Variants in PHACTR2 observed in about 807,000 individuals in gnomAD.
The protein encoded by PHACTR2 is phosphatase and actin regulator 2, also known as chromosome 6 open reading frame 56.
PHACTR2 carries 30 observed loss-of-function variants against 76.0 expected under a neutral mutation model. The observed-to-expected ratio is 0.39, with a 90% CI of 0.30 to 0.54. The LOEUF (loss-of-function observed/expected upper bound fraction) is 0.54, where lower values mean the gene tolerates loss of function less well. PHACTR2 is among the 20% of genes least tolerant of loss of function. The pLI is 0.61. For synonymous variants in PHACTR2, 292 were observed against 292.5 expected (o/e 1.00, Z 0.02); for missense variants, 696 against 781.1 (o/e 0.89, Z 1.30).
intron 7 of PHACTR2, among the ~76,000 whole-genome samples, chr6:143,773,524 A>G: frequency 7.0e-6 from 1 of 142,554 alleles, no homozygotes; most frequent in East Asian, 2.2e-4. Flanking sequence ...TTTAATTTGC[A>G]TGGAGCAAAA....
chr6:143,828,048 G>T lies in PHACTR2; in HGVS notation c.*4359G>T, dbSNP rs542047014. 6 of 152,234 alleles carry T rather than the reference G, an allele frequency of 3.9e-5. No individual in the cohort carries two copies. The highest frequency in any genetic ancestry group is 1.4e-4 in the African/African-American group (6 of 41,518). The allele number at this position is 152,234 out of a possible 1,614,324, so 9.4% of individuals were successfully genotyped here. A position where few individuals can be genotyped will look rare whatever the true frequency, so the allele number is the denominator to read the frequency against. ...GCCTGTAATCCCAGCTACTTGGGAG[G>T]CTGAGGCAGGGAAATCGCTTAAACC... On this transcript the variant is annotated 3_prime_UTR_variant, in exon 13 of 13. Coordinates refer to ENST00000440869, the MANE Select transcript of PHACTR2 (RefSeq NM_001100164.2). This position sits in a 1 kb window ranked among gnomAD's most constrained non-coding sequence, Gnocchi z 4.7.
chr6:143,661,729 G>T (rs1776949407), intron 1 of PHACTR2, among the ~76,000 whole-genome samples: 1 of 151,786 alleles, frequency 6.6e-6, no homozygotes, highest in Non-Finnish European at 1.5e-5. Flanking sequence ...CTAATTTTTT[G>T]TATTTTTGGT....
intron 1 of PHACTR2, among the ~76,000 whole-genome samples, chr6:143,584,807 G>A (rs1305599845): frequency 6.6e-6 from 1 of 151,998 alleles, no homozygotes; most frequent in African/African-American, 2.4e-5. Flanking sequence ...GCTGAGTTCG[G>A]GTCAGAAGTT....
Position 143,751,304 on chromosome 6 carries a change from C to T in PHACTR2, c.295+2239C>T, listed in dbSNP as rs1486874219. 1.3e-5 allele frequency among the ~76,000 whole-genome samples: 2 copies of T among 152,136 alleles called. No homozygotes were observed. Among genetic ancestry groups the T allele is most frequent in the Non-Finnish European group, 2.9e-5 (2 of 68,028 alleles). ...TCCTTTTAGGTTCTCTTATTTACAT[C>T]CAGACATACCTTCAACCTAAAAGTT... is the stretch of plus-strand genomic sequence containing the variant. On this transcript the variant is annotated intron_variant, in intron 3 of 12. Coordinates refer to ENST00000440869, the MANE Select transcript of PHACTR2 (RefSeq NM_001100164.2). This position sits in a 1 kb window ranked among gnomAD's most constrained non-coding sequence, Gnocchi z 5.7.
upstream of PHACTR2, among the ~76,000 whole-genome samples, chr6:143,676,602 A>T (rs1347437283): frequency 2.6e-5 from 4 of 152,332 alleles, no homozygotes; most frequent in East Asian, 1.9e-4. This position sits in a 1 kb window ranked among gnomAD's most constrained non-coding sequence, Gnocchi z 4.8. Flanking sequence ...GCCAGCCATT[A>T]TAATTGCTTA....
At chr6:143,778,734 A>G (rs1775345585) in intron 9 of PHACTR2, among the ~76,000 whole-genome samples, 2 of 152,200 alleles carry the variant, frequency 1.3e-5, no homozygotes, top group Admixed American at 1.3e-4. Context: ...TGCAGACCCT[A>G]CGCTCCTAAA....
rs1274309874 is a variant in PHACTR2, at chr6:143,537,173, G to C, written c.183G>C (p.Arg61Ser). 2 of 309,198 alleles carry C rather than the reference G, an allele frequency of 6.5e-6. No individual in the cohort carries two copies. Among genetic ancestry groups the C allele is most frequent in the Non-Finnish European group, 1.3e-5 (2 of 159,190 alleles). The allele number at this position is 309,198 out of a possible 1,614,324, so 19.2% of individuals were successfully genotyped here. A position where few individuals can be genotyped will look rare whatever the true frequency, so the allele number is the denominator to read the frequency against. Residue 61 changes from arginine (R) to serine (S), a missense_variant, in exon 1 of 12, where the codon AGG becomes AGC. By Grantham distance (110) the Arg-to-Ser change is moderately radical (BLOSUM62 -1). Coordinates refer to the PHACTR2 transcript ENST00000367584. The surrounding 1 kb of genome is among the most constrained non-coding windows in gnomAD (Gnocchi z 4.4). ...GCGACCTCTCGTCGTCCTCGAGCAG[G>C]GGCCGCCCGCTCCGGGTCCACATCT...
chr6:143,566,085 CT>C (rs1238110493), intron 1 of PHACTR2, among the ~76,000 whole-genome samples: 1 of 152,024 alleles, frequency 6.6e-6, no homozygotes, highest in Non-Finnish European at 1.5e-5. Context: ...CCCGCCTTAG[CT>C]TTCTGAGTAG....
chr6:143,591,662 C>T lies in PHACTR2; in HGVS notation c.217+54455C>T, dbSNP rs1448192944. ...GAAGGCCAAATGGAATTGAGGACAT[C>T]TCAGAGAATTCCAGTGGCGATAGAT... On this transcript the variant is annotated intron_variant, in intron 1 of 11. Transcript: ENST00000367584. The surrounding 1 kb of genome is among the most constrained non-coding windows in gnomAD (Gnocchi z 6.4). 6.6e-6 allele frequency among the ~76,000 whole-genome samples: 1 copy of T among 152,216 alleles called. No homozygotes were observed. The highest frequency in any genetic ancestry group is 1.5e-5 in the Non-Finnish European group (1 of 68,040).
chr6:143,817,228 G>T (rs1776317482), intron 12 of PHACTR2, among the ~76,000 whole-genome samples: 1 of 152,184 alleles, frequency 6.6e-6, no homozygotes, highest in South Asian at 2.1e-4. Flanking sequence ...AAGATTAGAT[G>T]AACATCTGAA....
At chr6:143,586,546 G>A (rs1775631898) in intron 1 of PHACTR2, among the ~76,000 whole-genome samples, 1 of 152,238 alleles carries the variant, frequency 6.6e-6, no homozygotes, top group African/African-American at 2.4e-5. Context: ...TTATTGAAGA[G>A]GCAGTGTTTC....
Position 143,777,265 on chromosome 6 carries a change from T to C in PHACTR2, c.1590-63T>C. ...TGAAAAATAGAGCTTTGTTGTTTTA[T>C]TCTGAGTCTCCTACTAGGGTACCTT... On this transcript the variant is annotated intron_variant, in intron 8 of 12. Transcript: ENST00000440869. The surrounding 1 kb of genome is among the most constrained non-coding windows in gnomAD (Gnocchi z 4.6). The C allele has an allele frequency of 2.4e-6, 2 of 837,502 alleles. No homozygotes were observed. The allele number at this position is 837,502 out of a possible 1,614,324, so 51.9% of individuals were successfully genotyped here. A position where few individuals can be genotyped will look rare whatever the true frequency, so the allele number is the denominator to read the frequency against.
At chr6:143,645,672 C>G (rs1198796227) in intron 1 of PHACTR2, among the ~76,000 whole-genome samples, 1 of 152,136 alleles carries the variant, frequency 6.6e-6, no homozygotes, top group Non-Finnish European at 1.5e-5. Context: ...TCTGTCTTTT[C>G]CATTCTTGAG....
At chr6:143,650,827 C>T (rs184551126) in intron 1 of PHACTR2, among the ~76,000 whole-genome samples, 80 of 152,156 alleles carry the variant, frequency 5.3e-4, no homozygotes, top group Non-Finnish European at 9.9e-4. Flanking sequence ...CAAAAATTGG[C>T]AAATGGAATC....
rs1277134533 is a variant in PHACTR2 at position 143,543,139 on chromosome 6, C to T, written c.217+5932C>T. ...TAAGCTATAGGCCTTGCATCATGCTCAGTAAATAACATGATGATGATGATG... is the reference window on the plus strand; with the variant it reads ...TAAGCTATAGGCCTTGCATCATGCTTAGTAAATAACATGATGATGATGATG... On this transcript the variant is annotated intron_variant, in intron 1 of 11. Coordinates refer to the PHACTR2 transcript ENST00000367584. The surrounding 1 kb of genome is among the most constrained non-coding windows in gnomAD (Gnocchi z 4.7). Among the ~76,000 whole-genome samples the T allele has an allele frequency of 6.6e-6, 1 of 152,168 alleles. No individual in the cohort carries two copies. Among genetic ancestry groups the T allele is most frequent in the Admixed American group, 6.5e-5 (1 of 15,284 alleles).
Position 143,733,324 on chromosome 6 carries a change from G to T in PHACTR2, c.215-15661G>T, listed in dbSNP as rs975112484. ...TCCTAGTAGATTATAAATTCCATGAGAACAGGGATTTTTGTTTTCTTCTTT... is the reference window on the plus strand; with the variant it reads ...TCCTAGTAGATTATAAATTCCATGATAACAGGGATTTTTGTTTTCTTCTTT... On this transcript the variant is annotated intron_variant, in intron 2 of 12. Coordinates refer to ENST00000440869, the MANE Select transcript of PHACTR2 (RefSeq NM_001100164.2). The surrounding 1 kb of genome is among the most constrained non-coding windows in gnomAD (Gnocchi z 4.0). Among the ~76,000 whole-genome samples the T allele has an allele frequency of 6.6e-6, 1 of 152,106 alleles. No individual in the cohort carries two copies. Among genetic ancestry groups the T allele is most frequent in the East Asian group, 1.9e-4 (1 of 5,202 alleles).
chr6:143,623,060 T>A lies in PHACTR2; in HGVS notation c.13+14738T>A, dbSNP rs1776185529. Among the ~76,000 whole-genome samples the A allele has an allele frequency of 6.6e-6, 1 of 152,192 alleles. No individual in the cohort carries two copies. Among genetic ancestry groups the A allele is most frequent in the African/African-American group, 2.4e-5 (1 of 41,446 alleles). On this transcript the variant is annotated intron_variant, in intron 1 of 11. Transcript: ENST00000305766. The surrounding 1 kb of genome is among the most constrained non-coding windows in gnomAD (Gnocchi z 5.9). ...CAGATTACCTTCCCTAACACTGATG[T>A]CAAATATGCCGGTGAAGAGTTTGAA...
chr6:143,657,710 G>A (rs1776873395), intron 1 of PHACTR2, among the ~76,000 whole-genome samples: 1 of 152,190 alleles, frequency 6.6e-6, no homozygotes, highest in South Asian at 2.1e-4. Context: ...CAGCCTCAGT[G>A]CATCCCAGTG....
At chr6:143,740,674 T>C (rs1778921703) in intron 2 of PHACTR2, among the ~76,000 whole-genome samples, 1 of 152,212 alleles carries the variant, frequency 6.6e-6, no homozygotes, top group African/African-American at 2.4e-5. Context: ...TGTATCCTTT[T>C]ATAATTTGAA....
Sources: gnomAD v4.1 joint callset for allele counts (sites outside exome capture counted in the v4.1 genomes callset) on GRCh38, gnomAD v4.1.1 for gene constraint, Gnocchi (gnomAD v3.1) non-coding constraint, MANE v1.5 for transcripts, NCBI Gene and HGNC (gene_info 2026-07-23, HGNC 2026-07-21) for gene names.